Variants in ABCA10 observed in about 807,000 individuals in gnomAD.
ABCA10 encodes the protein ATP-binding cassette sub-family A member 10.
ABCA10 carries 169 observed loss-of-function variants against 187.5 expected under a neutral mutation model. That is an observed-to-expected ratio of 0.90 (90% CI 0.80 to 1.02). ABCA10 has a LOEUF of 1.02. Ranked by LOEUF, ABCA10 falls within the 50% of genes least tolerant of loss-of-function variation. The pLI is 0.00. For synonymous variants in ABCA10, 574 were observed against 601.8 expected, an observed-to-expected ratio of 0.95 and a Z score of 0.68; for missense variants, 1,727 against 1,812.4, an observed-to-expected ratio of 0.95 and a Z score of 0.86.
chr17:69,225,271 GA>G lies in ABCA10; in HGVS notation c.34+53del, dbSNP rs1219164829. 3.1e-6 allele frequency: 5 copies of G among 1,593,094 alleles called. No homozygotes were observed. In the African/African-American group the frequency reaches 6.7e-5, roughly 21 times the overall value. On this transcript the variant is annotated intron_variant, in intron 3 of 38. Coordinates refer to ENST00000690296, the MANE Select transcript of ABCA10 (RefSeq NM_001377321.1). ...GGTAAGTAAATTCAACCTGCAAAAA[GA>G]ACTTGAAAATTAAGTCACATAATAC...
chr17:69,182,088 C>T (rs1480212039), intron 22 of ABCA10, 65 bp downstream of exon 22: 2 of 1,385,206 alleles, frequency 1.4e-6, no homozygotes, highest in Non-Finnish European at 1.9e-6. Flanking sequence ...ATGGTAGGCT[C>T]TAGAGCCCTC....
rs1295907331 is a variant in ABCA10, at chr17:69,182,747, A to G, written c.2559T>C (p.Asp853=). ...LKCQDIVLEI[D]DFRNRNGSDD... Reference sequence around the variant, plus strand: ...CTGAGCCATTTCTGTTTCTAAAGTCATCTATTTCCAAAACTATATCCTGAC... The same window carrying G: ...CTGAGCCATTTCTGTTTCTAAAGTCGTCTATTTCCAAAACTATATCCTGAC... The change falls in exon 21 of 39, where the codon GAT becomes GAC. Residue 853 remains aspartate, a synonymous_variant. Transcript: ENST00000690296. 1 of 1,612,970 alleles carries G rather than the reference A, an allele frequency of 6.2e-7. No individual in the cohort carries two copies. The highest frequency in any genetic ancestry group is 8.5e-7 in the Non-Finnish European group (1 of 1,179,540).
chr17:69,166,805 G>A (rs1276530555), intron 25 of ABCA10, among the ~76,000 whole-genome samples: 3 of 152,170 alleles, frequency 2.0e-5, no homozygotes, highest in South Asian at 2.1e-4. Context: ...CTGCCTGAAC[G>A]CATTTTTAAT....
At chr17:69,202,212 A>C (rs1389231604) in intron 9 of ABCA10, among the ~76,000 whole-genome samples, 1 of 152,240 alleles carries the variant, frequency 6.6e-6, no homozygotes, top group African/African-American at 2.4e-5. Flanking sequence ...AGCTGTAGGG[A>C]ATCATATCAA....
chr17:69,151,880 C>G (rs541235718), intron 36 of ABCA10, among the ~76,000 whole-genome samples, 163 bp downstream of exon 36: 86 of 152,248 alleles, frequency 5.6e-4, no homozygotes, highest in Non-Finnish European at 1.0e-3. Context: ...CTGAAAATAA[C>G]TGTTTAGTTT....
intron 15 of ABCA10, 68 bp from the exon 16 acceptor site, chr17:69,192,721 T>C (rs886664564): frequency 7.5e-7 from 1 of 1,329,006 alleles, no homozygotes. Context: ...TTCTCTACTT[T>C]GGATACTAAA....
At chr17:69,182,835 GAAAAAA>G in intron 20 of ABCA10, 27 bp from the exon 21 acceptor site, 1 of 1,325,810 alleles carries the variant, frequency 7.5e-7, no homozygotes, top group Non-Finnish European at 1.0e-6. Context: ...AAGGCAACAA[GAAAAAA>G]AAAAAAAAAG....
At chr17:69,213,517 G>A (rs574734937) in intron 9 of ABCA10, among the ~76,000 whole-genome samples, 1 of 152,140 alleles carries the variant, frequency 6.6e-6, no homozygotes, top group Non-Finnish European at 1.5e-5. Context: ...AAAGCCAGGA[G>A]TGACAGGCCT....
intron 13 of ABCA10, 34 bp downstream of exon 13, chr17:69,193,780 T>G: frequency 6.3e-7 from 1 of 1,594,670 alleles, no homozygotes; most frequent in Non-Finnish European, 8.5e-7. Context: ...AGTAAATTAT[T>G]TCCAAAGCCA....
intron 5 of ABCA10, 134 bp downstream of exon 5, chr17:69,221,658 C>A: frequency 1.3e-6 from 1 of 771,984 alleles, no homozygotes; most frequent in Non-Finnish European, 2.0e-6. Context: ...CATGTGACAG[C>A]TTTTGTTTTC....
chr17:69,237,926 G>T (rs1203877991), intron 1 of ABCA10, among the ~76,000 whole-genome samples: 2 of 152,120 alleles, frequency 1.3e-5, no homozygotes, highest in African/African-American at 2.4e-5. Context: ...ACTTTGGGAG[G>T]CCAAGGTGGG....
intron 27 of ABCA10, among the ~76,000 whole-genome samples, chr17:69,157,999 CAG>C (rs1416231074): frequency 6.6e-6 from 1 of 151,812 alleles, no homozygotes; most frequent in Admixed American, 6.6e-5. Context: ...TCATTCTTAA[CAG>C]AGGCTCACAG....
intron 22 of ABCA10, among the ~76,000 whole-genome samples, chr17:69,176,086 AT>A (rs1427771727): frequency 1.7e-4 from 26 of 152,240 alleles, no homozygotes; most frequent in African/African-American, 6.0e-4. Context: ...AAGGGGGACT[AT>A]TGTACTTAGA....
At chr17:69,170,885 T>C (rs1167502616) in intron 25 of ABCA10, among the ~76,000 whole-genome samples, 3 of 152,202 alleles carry the variant, frequency 2.0e-5, no homozygotes, top group African/African-American at 7.2e-5. Context: ...TAGGAAGATA[T>C]GATTTGGGTT....
rs755628879 is a variant in ABCA10 at position 69,190,448 on chromosome 17, C to G, written c.2041G>C (p.Asp681His). The G allele has an allele frequency of 1.9e-6, 3 of 1,581,444 alleles. No homozygotes were observed. Among genetic ancestry groups the G allele is most frequent in the Non-Finnish European group, 2.6e-6 (3 of 1,170,698 alleles). ...DLYSDLDKCS[D>H]QGIRNYAVSV... ...ACAGCATAATTCCTTATGCCCTGGT[C>G]AGAACACTTATCAAGGTCACTGTAA... The change falls in exon 18 of 39, where the codon GAC (aspartate) becomes CAC (histidine). Residue 681 changes from aspartate (D) to histidine (H), a missense_variant. Physicochemically the swap from Asp to His is moderately conservative, Grantham distance 81. Coordinates refer to ENST00000690296, the MANE Select transcript of ABCA10 (RefSeq NM_001377321.1).
chr17:69,156,878 C>G lies in ABCA10; in HGVS notation c.3409G>C (p.Glu1137Gln), dbSNP rs1384813388. The G allele has an allele frequency of 6.3e-7, 1 of 1,590,176 alleles. No homozygotes were observed. Among genetic ancestry groups the G allele is most frequent in the South Asian group, 1.1e-5 (1 of 87,060 alleles). Residue 1137 changes from glutamate to glutamine, a missense_variant, in exon 28 of 39, where the codon GAA (glutamate) becomes CAA (glutamine). Glu to Gln is a conservative substitution (Grantham distance 29). Coordinates refer to ENST00000690296, the MANE Select transcript of ABCA10 (RefSeq NM_001377321.1). ...VIFLFVIRCL[E>Q]MKYGNEIMNK... ...ATTATTTCATTTCCATACTTCATTT[C>G]CAGACACCTTATGACAAAAAGGAAA...
In ABCA10 at chr17:69,175,440, G is replaced by A. The variant is rs1194553616; in HGVS notation, c.2843C>T (p.Pro948Leu). The change falls in exon 23 of 39, where the codon CCT becomes CTT. Residue 948 changes from proline (P) to leucine (L), a missense_variant. Pro to Leu is a moderately conservative substitution (Grantham distance 98, BLOSUM62 -3). Transcript: ENST00000690296. ...GCTGATGCTGCTCATGCCGATAAAAGGAGAAACGCAGTTTGTGATCAACAA... is the reference window on the plus strand; with the variant it reads ...GCTGATGCTGCTCATGCCGATAAAAAGAGAAACGCAGTTTGTGATCAACAA... ...FLLLITNCVS[P>L]FIGMSSISDY... 6.2e-7 allele frequency: 1 copy of A among 1,611,898 alleles called. No homozygotes were observed. Among genetic ancestry groups the A allele is most frequent in the East Asian group, 2.2e-5 (1 of 44,810 alleles).
chr17:69,224,326 G>A (rs1056321767), intron 3 of ABCA10, among the ~76,000 whole-genome samples: 7 of 152,102 alleles, frequency 4.6e-5, no homozygotes, highest in African/African-American at 1.7e-4. Flanking sequence ...TAACAGATTG[G>A]ATAAAATGTA....
At chr17:69,170,513 T>C (rs575318108) in intron 25 of ABCA10, among the ~76,000 whole-genome samples, 88 of 152,148 alleles carry the variant, frequency 5.8e-4, no homozygotes, top group Middle Eastern at 3.4e-3. Context: ...AACAATGCCT[T>C]GTAAGGAGTA....
Sources: allele counts gnomAD v4.1 joint callset (sites outside exome capture counted in the v4.1 genomes callset), GRCh38; gene constraint gnomAD v4.1.1; transcripts MANE v1.5; gene names NCBI Gene and HGNC (gene_info 2026-07-23, HGNC 2026-07-21).